The following OR4F17 variants were observed in gnomAD, a reference collection of about 807,000 sequenced individuals.
The protein encoded by OR4F17 is olfactory receptor 4F17.
For missense variants in OR4F17, 1 was observed against 323.6 expected, an observed-to-expected ratio of 0.00 and a Z score of 7.65; for synonymous variants, 1 against 120.7, an observed-to-expected ratio of 0.01 and a Z score of 6.50.
intron 2 of OR4F17, among the ~76,000 whole-genome samples, 189 bp downstream of exon 2, chr19:107,744 T>TTA (rs917851874): frequency 0.021 from 2,664 of 129,812 alleles, no homozygotes; most frequent in Middle Eastern, 0.027. Flanking sequence ...CATAAGGCAT[T>TTA]TATATATATA....
chr19:107,790 T>A (rs1300207524), intron 2 of OR4F17, among the ~76,000 whole-genome samples: 1 of 125,412 alleles, frequency 8.0e-6, no homozygotes, highest in Admixed American at 1.2e-4. Flanking sequence ...ATATATTACA[T>A]ATTATATATA....
At chr19:109,745 G>A (rs1968681201) in intron 2 of OR4F17, among the ~76,000 whole-genome samples, 1 of 133,452 alleles carries the variant, frequency 7.5e-6, no homozygotes, top group African/African-American at 2.6e-5. Flanking sequence ...CTTGTCTAAG[G>A]TCATTCAGAT....
intron 2 of OR4F17, among the ~76,000 whole-genome samples, chr19:108,931 T>C (rs1968667836): frequency 6.6e-6 from 1 of 151,828 alleles, no homozygotes; most frequent in South Asian, 2.1e-4. Flanking sequence ...AACAGTAATG[T>C]GCTGCTTTGA....
intron 2 of OR4F17, among the ~76,000 whole-genome samples, chr19:107,894 AATATAATAT>A (rs1968638899): frequency 1.7e-3 from 1 of 578 alleles, no homozygotes. Context: ...TATATTATAT[AATATAATAT>A]AATATAAATT....
At chr19:108,091 A>T (rs187860002) in intron 2 of OR4F17, among the ~76,000 whole-genome samples, 4 of 118,952 alleles carry the variant, frequency 3.4e-5, no homozygotes, top group East Asian at 2.5e-4. Flanking sequence ...ATATTTTATT[A>T]TATAATATAT....
At chr19:108,279 G>T (rs1475844397) in intron 2 of OR4F17, among the ~76,000 whole-genome samples, 1 of 149,178 alleles carries the variant, frequency 6.7e-6, no homozygotes, top group Non-Finnish European at 1.5e-5. Flanking sequence ...TGTCAACAGT[G>T]GCTGGCTCTT....
chr19:110,131 C>T (rs1235670983), intron 2 of OR4F17, among the ~76,000 whole-genome samples: 184 of 148,412 alleles, frequency 1.2e-3, no homozygotes, highest in African/African-American at 4.1e-3. Flanking sequence ...ATTTTCCTCA[C>T]TTTTTCTCAC....
At chr19:109,985 A>G (rs1968684478) in intron 2 of OR4F17, among the ~76,000 whole-genome samples, 1 of 150,584 alleles carries the variant, frequency 6.6e-6, no homozygotes, top group Admixed American at 6.6e-5. Context: ...GCTAAATTAA[A>G]CAATCATTCA....
chr19:108,007 T>TATATAATATATATTATATATTATAGA (rs1347774858), intron 2 of OR4F17, among the ~76,000 whole-genome samples: 231 of 68,610 alleles, frequency 3.4e-3, no homozygotes, highest in South Asian at 0.011. Context: ...TATATTTTAT[T>TATATAATATATATTATATATTATAGA]ATATAATATA....
At chr19:107,681 T>G in intron 2 of OR4F17, 126 bp downstream of exon 2, 1 of 355,422 alleles carries the variant, frequency 2.8e-6, no homozygotes, top group South Asian at 2.2e-5. Context: ...CACTGTGAAT[T>G]TGTGCCAGAA....
At chr19:107,731 G>T (rs1366318459) in intron 2 of OR4F17, among the ~76,000 whole-genome samples, 176 bp downstream of exon 2, 1 of 136,892 alleles carries the variant, frequency 7.3e-6, no homozygotes, top group African/African-American at 2.7e-5. Context: ...CTTACTATAA[G>T]GACATAAGGC....
At chr19:108,214 A>G (rs1353031189) in intron 2 of OR4F17, among the ~76,000 whole-genome samples, 1 of 132,210 alleles carries the variant, frequency 7.6e-6, no homozygotes, top group Non-Finnish European at 1.6e-5. Flanking sequence ...TATATATTAT[A>G]TATAATTCTA....
chr19:107,887 ATT>A (rs1434518367), intron 2 of OR4F17, among the ~76,000 whole-genome samples: 1 of 27,988 alleles, frequency 3.6e-5, no homozygotes, highest in Non-Finnish European at 5.8e-5. Context: ...TATAATATAT[ATT>A]ATATAATATA....
chr19:110,074 T>A (rs1462932374), intron 2 of OR4F17, among the ~76,000 whole-genome samples: 9 of 146,290 alleles, frequency 6.2e-5, no homozygotes, highest in African/African-American at 2.2e-4. Flanking sequence ...ACCAGTTTTA[T>A]CTCCTATGAA....
intron 2 of OR4F17, among the ~76,000 whole-genome samples, chr19:108,148 T>C (rs1343360755): frequency 7.8e-6 from 1 of 128,212 alleles, no homozygotes; most frequent in African/African-American, 2.8e-5. Context: ...CATATATTAT[T>C]ATATAAAATA....
chr19:107,894 A>AAATATATATTATATT (rs1968638800), intron 2 of OR4F17, among the ~76,000 whole-genome samples: 1 of 578 alleles, frequency 1.7e-3, no homozygotes, highest in Admixed American at 0.026. Context: ...TATATTATAT[A>AAATATATATTATATT]ATATAATATA....
At chr19:109,761 GT>G (rs1282749642) in intron 2 of OR4F17, among the ~76,000 whole-genome samples, 1 of 141,820 alleles carries the variant, frequency 7.1e-6, no homozygotes, top group African/African-American at 2.5e-5. Flanking sequence ...CAGATACATA[GT>G]AGATAACCCA....
intron 2 of OR4F17, among the ~76,000 whole-genome samples, chr19:107,933 A>T (rs1305965422): frequency 2.1e-4 from 1 of 4,716 alleles, no homozygotes; most frequent in Non-Finnish European, 5.2e-4. Context: ...TAATATATAT[A>T]TTATTATATA....
intron 2 of OR4F17, among the ~76,000 whole-genome samples, chr19:110,119 G>A (rs2055456689): frequency 6.8e-6 from 1 of 147,914 alleles, no homozygotes; most frequent in African/African-American, 2.5e-5. Context: ...AAACTTTATT[G>A]CATTTTCCTC....
Sources: gnomAD v4.1 joint callset for allele counts (sites outside exome capture counted in the v4.1 genomes callset) on GRCh38, gnomAD v4.1.1 for gene constraint, MANE v1.5 for transcripts, NCBI Gene and HGNC (gene_info 2026-07-23, HGNC 2026-07-21) for gene names.